ZNF713: variants seen among roughly 807,000 people sequenced by gnomAD.
ZNF713 encodes zinc finger protein 713.
Under a neutral mutation model 28.7 loss-of-function variants are expected in ZNF713, and 21 were observed. The observed-to-expected ratio is 0.73, with a 90% confidence interval of 0.52 to 1.05. The LOEUF is 1.05. Among genes scored for constraint, ZNF713 ranks in the 50% least tolerant of loss-of-function variants. The pLI is 0.00. For synonymous variants in ZNF713, 167 were observed against 178.0 expected, an observed-to-expected ratio of 0.94 and a Z score of 0.49; for missense variants, 458 against 532.4, an observed-to-expected ratio of 0.86 and a Z score of 1.37.
intron 1 of ZNF713, among the ~76,000 whole-genome samples, chr7:55,892,393 G>A (rs531617561): frequency 6.6e-6 from 1 of 151,706 alleles, no homozygotes; most frequent in Admixed American, 6.6e-5. Context: ...TTTTAATTGG[G>A]GACTGGTGTA....
chr7:55,893,489 G>T (rs1785423964), intron 1 of ZNF713, among the ~76,000 whole-genome samples: 1 of 152,040 alleles, frequency 6.6e-6, no homozygotes, highest in African/African-American at 2.4e-5. Flanking sequence ...ATGTATTTAT[G>T]GCCAGTTATT....
intron 2 of ZNF713, among the ~76,000 whole-genome samples, chr7:55,909,993 A>G (rs113691069): frequency 0.013 from 1,897 of 149,258 alleles, 19 homozygotes; most frequent in Non-Finnish European, 0.02. Context: ...GTGTGTGTGT[A>G]TATACGTTTA....
intron 1 of ZNF713, among the ~76,000 whole-genome samples, chr7:55,887,890 C>T (rs76634904): frequency 2.9e-5 from 2 of 69,308 alleles, no homozygotes; most frequent in East Asian, 4.9e-4. Context: ...CGGCGGCGGG[C>T]GGCGGCGGCG....
At chr7:55,913,684 A>G (rs1785829805) in intron 4 of ZNF713, among the ~76,000 whole-genome samples, 1 of 152,216 alleles carries the variant, frequency 6.6e-6, no homozygotes, top group Non-Finnish European at 1.5e-5. Flanking sequence ...GAAAAATCAT[A>G]AAACTCTCAG....
At chr7:55,930,131 G>A (rs951233520) in intron 6 of ZNF713, among the ~76,000 whole-genome samples, 4 of 151,782 alleles carry the variant, frequency 2.6e-5, no homozygotes, top group African/African-American at 7.3e-5. Context: ...CACGATCTCC[G>A]CTCACTGCAA....
At chr7:55,933,486 G>A (rs1786283792) in intron 6 of ZNF713, among the ~76,000 whole-genome samples, 1 of 151,780 alleles carries the variant, frequency 6.6e-6, no homozygotes, top group Non-Finnish European at 1.5e-5. Flanking sequence ...TAGTAGAGAT[G>A]GGGTTTCACT....
intron 6 of ZNF713, among the ~76,000 whole-genome samples, chr7:55,931,607 C>T (rs1196085719): frequency 1.3e-5 from 2 of 151,688 alleles, no homozygotes; most frequent in East Asian, 3.9e-4. Context: ...TCTCCTCTCC[C>T]TCCTTCTTTC....
intron 4 of ZNF713, among the ~76,000 whole-genome samples, chr7:55,914,581 A>G (rs1195343652): frequency 6.6e-6 from 1 of 152,248 alleles, no homozygotes; most frequent in African/African-American, 2.4e-5. Context: ...AAGACAACAA[A>G]TACAACAGGT....
chr7:55,935,207 G>T (rs890414876), intron 6 of ZNF713, among the ~76,000 whole-genome samples: 8 of 151,826 alleles, frequency 5.3e-5, no homozygotes, highest in Non-Finnish European at 8.8e-5. Flanking sequence ...CATATTGTCT[G>T]TCATATTGAA....
At chr7:55,938,812 A>G (rs2116276496) in intron 6 of ZNF713, among the ~76,000 whole-genome samples, 170 bp from the exon 7 acceptor site, 1 of 152,302 alleles carries the variant, frequency 6.6e-6, no homozygotes, top group Middle Eastern at 3.4e-3. Context: ...GACTTCTCAT[A>G]ATCTTTCCCT....
At chr7:55,898,781 A>G (rs1164146760) in intron 1 of ZNF713, among the ~76,000 whole-genome samples, 1 of 152,082 alleles carries the variant, frequency 6.6e-6, no homozygotes, top group Non-Finnish European at 1.5e-5. Flanking sequence ...TCTCATTCAC[A>G]AAAAATTAAA....
intron 6 of ZNF713, chr7:55,924,471 T>C (rs1436884753): frequency 1.3e-5 from 2 of 152,260 alleles, no homozygotes; most frequent in African/African-American, 4.8e-5. Context: ...TGTATCCCTA[T>C]GGACTGGCTG....
intron 2 of ZNF713, among the ~76,000 whole-genome samples, chr7:55,908,433 A>G (rs4948085): frequency 0.82 from 124,872 of 152,102 alleles, 51,784 homozygotes; most frequent in African/African-American, 0.95. Flanking sequence ...GAGCCACTGC[A>G]CCTGGCCAAC....
chr7:55,899,205 T>G (rs1397752343), intron 1 of ZNF713, among the ~76,000 whole-genome samples: 5 of 151,062 alleles, frequency 3.3e-5, no homozygotes, highest in Admixed American at 2.0e-4. Context: ...TACAAAAAAT[T>G]AGCTGGGCAT....
rs747008215 is a variant in ZNF713, at chr7:55,939,419, C to A, written c.745C>A (p.Leu249Ile). 6 of 1,613,904 alleles carry A rather than the reference C, an allele frequency of 3.7e-6. No homozygotes were observed. Among genetic ancestry groups the A allele is most frequent in the East Asian group, 4.5e-5 (2 of 44,884 alleles). The change falls in exon 7 of 7, where the codon CTT becomes ATT. Residue 249 changes from leucine (L) to isoleucine (I), a missense_variant. Leu to Ile is a conservative substitution (Grantham distance 5). Transcript: ENST00000429591. ...TGGAAAAATCTTCAATCAACATATT[C>A]TTCTTACTGATCATATTCATACTGC... ...ECGKIFNQHI[L>I]LTDHIHTAEK... is the part of the protein sequence containing the mutation.
At chr7:55,917,921 A>G in intron 4 of ZNF713, 1 of 362,992 alleles carries the variant, frequency 2.8e-6, no homozygotes, top group East Asian at 7.7e-5. Flanking sequence ...AGCTGTGGGG[A>G]AACAGACACT....
chr7:55,934,693 C>G (rs1173232628), intron 6 of ZNF713, among the ~76,000 whole-genome samples: 1 of 152,036 alleles, frequency 6.6e-6, no homozygotes, highest in African/African-American at 2.4e-5. Context: ...TTTTTATAGA[C>G]AGGATTTCAC....
chr7:55,929,375 T>C (rs1226152496), intron 6 of ZNF713, among the ~76,000 whole-genome samples: 1 of 152,136 alleles, frequency 6.6e-6, no homozygotes, highest in Admixed American at 6.5e-5. Context: ...GCATTTAATA[T>C]AAAGGCATTA....
chr7:55,887,932 C>A (rs1768283517), intron 1 of ZNF713, among the ~76,000 whole-genome samples: 1 of 140,186 alleles, frequency 7.1e-6, no homozygotes, highest in South Asian at 2.2e-4. Flanking sequence ...GAGGGGCGGC[C>A]GCTGTCCCCG....
Sources: allele counts gnomAD v4.1 joint callset (sites outside exome capture counted in the v4.1 genomes callset), GRCh38; gene constraint gnomAD v4.1.1; transcripts MANE v1.5; gene names NCBI Gene and HGNC (gene_info 2026-07-23, HGNC 2026-07-21).